The following PTPRT variants were observed in gnomAD, a reference collection of about 807,000 sequenced individuals.
PTPRT encodes protein tyrosine phosphatase receptor type T.
In PTPRT, 56 loss-of-function variants were observed where a neutral mutation model predicts 176.8. The observed-to-expected ratio is 0.32, with a 90% CI of 0.26 to 0.40. The LOEUF is 0.40. Among genes scored for constraint, PTPRT ranks in the 10% least tolerant of loss-of-function variants. The pLI, the probability that PTPRT is intolerant of heterozygous loss-of-function variation, is 1.00. For synonymous variants in PTPRT, 783 were observed against 739.0 expected (o/e 1.06, Z -0.96); for missense variants, 1,540 against 1,908.2 (o/e 0.81, Z 3.60).
At chr20:42,417,366 C>CTA in intron 9 of PTPRT, among the ~76,000 whole-genome samples, 1 of 152,192 alleles carries the variant, frequency 6.6e-6, no homozygotes, top group Non-Finnish European at 1.5e-5. Flanking sequence ...TCCCCCAACC[C>CTA]TATATATATG....
intron 7 of PTPRT, among the ~76,000 whole-genome samples, chr20:42,649,542 A>C (rs532660223): frequency 2.0e-5 from 3 of 152,290 alleles, no homozygotes; most frequent in African/African-American, 7.2e-5. Flanking sequence ...CCTATAAGCC[A>C]AGTTCATGGA....
At chr20:42,834,004 A>G (rs2078138344) in intron 2 of PTPRT, among the ~76,000 whole-genome samples, 1 of 152,174 alleles carries the variant, frequency 6.6e-6, no homozygotes. Flanking sequence ...AAAGTAAAAA[A>G]CTGATGTTAG....
chr20:43,134,758 A>C (rs1426518815), intron 1 of PTPRT, among the ~76,000 whole-genome samples: 3 of 152,240 alleles, frequency 2.0e-5, no homozygotes, highest in Non-Finnish European at 4.4e-5. Context: ...AGGTTAAAGA[A>C]AATTTGGTGG....
chr20:42,859,667 T>G (rs1465152717), intron 2 of PTPRT, among the ~76,000 whole-genome samples: 1 of 149,750 alleles, frequency 6.7e-6, no homozygotes, highest in East Asian at 2.0e-4. Flanking sequence ...CACTGCAAGC[T>G]CCGCCTCCCA....
the PTPRT span, among the ~76,000 whole-genome samples, chr20:42,047,412 G>A: frequency 1.4e-4 from 22 of 152,188 alleles, no homozygotes; most frequent in Non-Finnish European, 2.9e-5. Flanking sequence ...TTGAAGACAG[G>A]CCACCAGACC....
intron 3 of PTPRT, among the ~76,000 whole-genome samples, chr20:42,782,300 C>T (rs2077226103): frequency 6.6e-6 from 1 of 152,164 alleles, no homozygotes; most frequent in Non-Finnish European, 1.5e-5. Flanking sequence ...CTCCCTTCAA[C>T]AGCTGCCAAT....
intron 1 of PTPRT, among the ~76,000 whole-genome samples, chr20:43,021,745 C>T (rs1226291697): frequency 6.7e-6 from 1 of 149,396 alleles, no homozygotes; most frequent in Non-Finnish European, 1.5e-5. Flanking sequence ...TAACAGAAAC[C>T]AAATTAAATT....
At chr20:42,183,506 C>T (rs531564907) in intron 16 of PTPRT, among the ~76,000 whole-genome samples, 3 of 152,296 alleles carry the variant, frequency 2.0e-5, no homozygotes, top group Non-Finnish European at 2.9e-5. Context: ...TGTGCAGAGA[C>T]CACAAAACTA....
At chr20:42,548,674 A>G (rs933457009) in intron 7 of PTPRT, among the ~76,000 whole-genome samples, 3 of 152,174 alleles carry the variant, frequency 2.0e-5, no homozygotes, top group African/African-American at 7.2e-5. Flanking sequence ...TAAAATAAGC[A>G]GAACACAGAT....
intron 6 of PTPRT, among the ~76,000 whole-genome samples, chr20:42,752,434 G>A (rs892376634): frequency 2.6e-5 from 4 of 152,176 alleles, no homozygotes; most frequent in African/African-American, 4.8e-5. Flanking sequence ...TTGGGACAAG[G>A]TGGGGCCAGA....
chr20:42,862,574 A>C (rs1347797672), intron 2 of PTPRT, among the ~76,000 whole-genome samples: 1 of 152,184 alleles, frequency 6.6e-6, no homozygotes, highest in African/African-American at 2.4e-5. Context: ...TTCTTAATTC[A>C]GAAAGATCAC....
intron 2 of PTPRT, among the ~76,000 whole-genome samples, chr20:42,866,289 G>T (rs1250017757): frequency 6.6e-6 from 1 of 152,106 alleles, no homozygotes; most frequent in Non-Finnish European, 1.5e-5. Context: ...CACCTCTATA[G>T]GTATGTGTGT....
At chr20:42,932,675 G>A (rs771151101) in intron 1 of PTPRT, among the ~76,000 whole-genome samples, 26 of 152,280 alleles carry the variant, frequency 1.7e-4, no homozygotes, top group Non-Finnish European at 3.2e-4. Flanking sequence ...GGCAAACCAC[G>A]ACAGCTGGTC....
the PTPRT span, among the ~76,000 whole-genome samples, chr20:42,045,655 C>CT: frequency 0.49 from 72,479 of 148,348 alleles, 18,542 homozygotes; most frequent in Middle Eastern, 0.61. Flanking sequence ...GTGGAAAGTC[C>CT]TTTTTTTTTT....
chr20:42,508,744 A>G (rs1199018111), intron 7 of PTPRT, among the ~76,000 whole-genome samples: 3 of 151,770 alleles, frequency 2.0e-5, no homozygotes, highest in Non-Finnish European at 4.4e-5. Context: ...TCTTGATTTC[A>G]TACTCTAAAC....
At chr20:42,049,313 A>T in the PTPRT span, among the ~76,000 whole-genome samples, 3 of 152,252 alleles carry the variant, frequency 2.0e-5, no homozygotes, top group Non-Finnish European at 2.9e-5. Flanking sequence ...TTACTCTTCC[A>T]GAAGGCCCTT....
chr20:42,422,875 T>G (rs1600998841), intron 9 of PTPRT, among the ~76,000 whole-genome samples: 2 of 152,138 alleles, frequency 1.3e-5, no homozygotes, highest in East Asian at 3.9e-4. Context: ...TAAAAAGGAA[T>G]GAGATCATGT....
At chr20:42,703,902 G>A (rs1280755767) in intron 6 of PTPRT, among the ~76,000 whole-genome samples, 1 of 152,134 alleles carries the variant, frequency 6.6e-6, no homozygotes, top group Non-Finnish European at 1.5e-5. Context: ...ACTTGATGTT[G>A]TTGGAAGCTG....
chr20:42,780,625 C>A (rs2077201098), intron 3 of PTPRT, among the ~76,000 whole-genome samples: 1 of 152,202 alleles, frequency 6.6e-6, no homozygotes, highest in South Asian at 2.1e-4. Context: ...GGTCAAGCCA[C>A]AACTTGACCA....
Sources: gnomAD v4.1 joint callset for allele counts (sites outside exome capture counted in the v4.1 genomes callset) on GRCh38, gnomAD v4.1.1 for gene constraint, MANE v1.5 for transcripts, NCBI Gene and HGNC (gene_info 2026-07-23, HGNC 2026-07-21) for gene names.